Variants in ABI3BP observed in about 807,000 individuals in gnomAD.
The protein encoded by ABI3BP is ABI family member 3 binding protein.
In ABI3BP, 216 loss-of-function variants were observed where a neutral mutation model predicts 268.6. The observed-to-expected ratio is 0.80, with a 90% CI of 0.72 to 0.90. The LOEUF (loss-of-function observed/expected upper bound fraction) is 0.90, where lower values mean the gene tolerates loss of function less well. ABI3BP is among the 40% of genes least tolerant of loss of function. The probability of loss-of-function intolerance (pLI) is 0.00; values close to 1 mark genes in which losing one functional copy is unlikely to be tolerated. For synonymous variants in ABI3BP, 730 were observed against 730.0 expected (o/e 1.00, Z 0.00); for missense variants, 2,090 against 2,182.4 (o/e 0.96, Z 0.84).
intron 1 of ABI3BP, among the ~76,000 whole-genome samples, chr3:100,989,928 G>C (rs2092656705): frequency 6.6e-6 from 1 of 152,194 alleles, no homozygotes; most frequent in Admixed American, 6.5e-5. Context: ...TTCACCTCCT[G>C]AGAAACAAGC....
chr3:100,835,741 C>T, intron 27 of ABI3BP, 81 bp from the exon 28 acceptor site: 1 of 1,142,184 alleles, frequency 8.8e-7, no homozygotes, highest in Non-Finnish European at 1.2e-6. Flanking sequence ...ATCTTCTTAA[C>T]CCTTTAATGT....
At chr3:100,816,170 T>C in intron 43 of ABI3BP, 199 bp from the exon 44 acceptor site, 1 of 533,330 alleles carries the variant, frequency 1.9e-6, no homozygotes, top group South Asian at 2.8e-5. Flanking sequence ...GTTACAACCT[T>C]TGAACTCTGT....
chr3:100,928,431 AAATCAGCCTGCACAGCCTCAATAG>A (rs2062561362), intron 1 of ABI3BP, among the ~76,000 whole-genome samples: 1 of 152,052 alleles, frequency 6.6e-6, no homozygotes, highest in Admixed American at 6.6e-5. Context: ...ACGCCACCCA[AAATCAGCCTGCACAGCCTCAATAG>A]AACCACAGAA....
intron 4 of ABI3BP, among the ~76,000 whole-genome samples, chr3:100,894,955 A>AAAAAAAAAAAAAAAAAAAACAAAAACAAC (rs2046792687): frequency 7.0e-6 from 1 of 143,606 alleles, no homozygotes. Context: ...AAAAAAAAAA[A>AAAAAAAAAAAAAAAAAAAACAAAAACAAC]AAAAAAAAAA....
intron 4 of ABI3BP, 129 bp downstream of exon 4, chr3:100,898,633 A>C (rs1279665579): frequency 1.4e-5 from 15 of 1,068,406 alleles, no homozygotes; most frequent in Non-Finnish European, 1.9e-5. Context: ...AGGGCCCCTG[A>C]CTTTGTTCCC....
intron 63 of ABI3BP, among the ~76,000 whole-genome samples, chr3:100,762,262 GA>G (rs987529672): frequency 6.6e-6 from 1 of 152,096 alleles, no homozygotes; most frequent in Non-Finnish European, 1.5e-5. Context: ...AAGGTAGTAT[GA>G]AAAAAGCTTT....
At chr3:100,844,492 T>C (rs2098745086) in intron 20 of ABI3BP, 1 of 981,160 alleles carries the variant, frequency 1.0e-6, no homozygotes, top group African/African-American at 1.7e-5. Context: ...TAAAGGAAAG[T>C]GAAACAGAAA....
At chr3:100,977,898 C>T (rs946649240) in intron 1 of ABI3BP, among the ~76,000 whole-genome samples, 1 of 152,028 alleles carries the variant, frequency 6.6e-6, no homozygotes, top group Admixed American at 6.6e-5. Context: ...TTTCATGGAC[C>T]ATCTCGAGGC....
At chr3:100,799,582 C>T (rs1417558540) in intron 51 of ABI3BP, among the ~76,000 whole-genome samples, 1 of 152,144 alleles carries the variant, frequency 6.6e-6, no homozygotes, top group African/African-American at 2.4e-5. Context: ...TCTGACCCCT[C>T]TCCATCTCAT....
At chr3:100,816,129 C>T in intron 43 of ABI3BP, 158 bp from the exon 44 acceptor site, 2 of 586,838 alleles carry the variant, frequency 3.4e-6, no homozygotes. Context: ...GATTTGGCCA[C>T]ACTAGCTAGA....
chr3:100,897,493 G>T lies in ABI3BP; in HGVS notation c.461+1269C>A, dbSNP rs149938184. Among the ~76,000 whole-genome samples the T allele has an allele frequency of 8.8e-3, 1,345 of 152,198 alleles. 13 individuals are homozygous for T. The highest frequency in any genetic ancestry group is 0.029 in the African/African-American group (1,194 of 41,520). ...GACTATCACTCAGGAGTACAAAAAA[G>T]AATGAATTATTGATATCCGCAATGT... On this transcript the variant is annotated intron_variant, in intron 4 of 67. Coordinates refer to ENST00000471714, the MANE Select transcript of ABI3BP (RefSeq NM_001375547.2).
chr3:100,967,599 A>C (rs981636866), intron 1 of ABI3BP, among the ~76,000 whole-genome samples: 3 of 152,080 alleles, frequency 2.0e-5, no homozygotes, highest in Admixed American at 6.6e-5. Flanking sequence ...TACAAAGAAC[A>C]ATTTAACTTG....
At chr3:100,982,723 A>G (rs573895929) in intron 1 of ABI3BP, among the ~76,000 whole-genome samples, 2 of 152,176 alleles carry the variant, frequency 1.3e-5, no homozygotes, top group South Asian at 4.2e-4. Flanking sequence ...ATAGTTAGGG[A>G]AGAATTCTGT....
In ABI3BP at chr3:100,840,089, A is replaced by T; in HGVS notation, c.1880T>A (p.Val627Glu). 3 of 1,188,394 alleles carry T rather than the reference A, an allele frequency of 2.5e-6. No individual in the cohort carries two copies. The highest frequency in any genetic ancestry group is 3.4e-6 in the Non-Finnish European group (3 of 890,298). 73.6% of individuals were successfully genotyped at this position (1,188,394 alleles called of 1,614,324 possible). The change falls in exon 23 of 68, where the codon GTG becomes GAG. Residue 627 changes from valine (V) to glutamate (E), a missense_variant. By Grantham distance (121) the Val-to-Glu change is moderately radical. Transcript: ENST00000471714. ...PRPKTTPSPE[V>E]PKSKPALEPA... is the part of the protein sequence containing the mutation. Reference sequence around the variant, plus strand: ...ACATTTACCGGGTTTGGACTTGGGCACTTCTGGACTAGGTGTGGTTTTAGG... The same window carrying T: ...ACATTTACCGGGTTTGGACTTGGGCTCTTCTGGACTAGGTGTGGTTTTAGG...
intron 4 of ABI3BP, among the ~76,000 whole-genome samples, chr3:100,896,708 G>T (rs1561407690): frequency 6.6e-6 from 1 of 151,992 alleles, no homozygotes; most frequent in Non-Finnish European, 1.5e-5. Context: ...CTCAGCATTA[G>T]TACCCCAGAC....
At chr3:100,838,130 G>T in intron 26 of ABI3BP, 80 bp downstream of exon 26, 1 of 1,386,948 alleles carries the variant, frequency 7.2e-7, no homozygotes, top group Non-Finnish European at 9.9e-7. Context: ...TGATTTATAT[G>T]ATATGACAGA....
intron 51 of ABI3BP, among the ~76,000 whole-genome samples, chr3:100,802,165 T>C (rs917326241): frequency 6.6e-6 from 1 of 152,158 alleles, no homozygotes. Flanking sequence ...ACTGAAAACA[T>C]AAAACTAACT....
At chr3:100,874,575 C>T (rs1301877464) in intron 9 of ABI3BP, among the ~76,000 whole-genome samples, 1 of 152,088 alleles carries the variant, frequency 6.6e-6, no homozygotes, top group African/African-American at 2.4e-5. Context: ...GAAAGTTATA[C>T]ATATGTATTT....
At chr3:100,877,991 A>T (rs1314324912) in intron 6 of ABI3BP, among the ~76,000 whole-genome samples, 1 of 152,196 alleles carries the variant, frequency 6.6e-6, no homozygotes, top group Non-Finnish European at 1.5e-5. Flanking sequence ...CTTATGTTTT[A>T]AAAAAATCAC....
Sources: allele counts gnomAD v4.1 joint callset (sites outside exome capture counted in the v4.1 genomes callset), GRCh38; gene constraint gnomAD v4.1.1; transcripts MANE v1.5; gene names NCBI Gene and HGNC (gene_info 2026-07-23, HGNC 2026-07-21).